Variants in ERC2 observed in about 807,000 individuals in gnomAD.
ERC2 encodes the protein ELKS/RAB6-interacting/CAST family member 2.
A neutral mutation model predicts 114.8 loss-of-function variants in ERC2; 42 were observed. That is an observed-to-expected ratio of 0.37 (90% CI 0.29 to 0.47). ERC2 has a LOEUF of 0.47. ERC2 is among the 20% of genes least tolerant of loss of function. The pLI is 0.99. For synonymous variants in ERC2, 454 were observed against 425.5 expected, an observed-to-expected ratio of 1.07 and a Z score of -0.82; for missense variants, 939 against 1,150.7, an observed-to-expected ratio of 0.82 and a Z score of 2.66.
At chr3:55,677,236 C>A (rs1418909492) in intron 17 of ERC2, among the ~76,000 whole-genome samples, 3 of 152,180 alleles carry the variant, frequency 2.0e-5, no homozygotes, top group Non-Finnish European at 4.4e-5. Context: ...AATTCATACT[C>A]TCCAACAATC....
At chr3:55,911,455 G>A (rs1421980777) in intron 13 of ERC2, among the ~76,000 whole-genome samples, 2 of 152,090 alleles carry the variant, frequency 1.3e-5, no homozygotes, top group African/African-American at 4.8e-5. Flanking sequence ...GCTGATGGCA[G>A]ACTAAGACTG....
chr3:56,420,116 C>T (rs2061329109), intron 2 of ERC2, among the ~76,000 whole-genome samples: 1 of 150,946 alleles, frequency 6.6e-6, no homozygotes, highest in South Asian at 2.1e-4. Context: ...AATTTCTTTC[C>T]ATTCCTTCTC....
chr3:56,208,804 A>G (rs2048887551), intron 3 of ERC2, among the ~76,000 whole-genome samples: 1 of 152,164 alleles, frequency 6.6e-6, no homozygotes, highest in Admixed American at 6.5e-5. Flanking sequence ...GAGGTGCTCT[A>G]TAGTCAAGGG....
At chr3:56,312,329 G>T (rs1188838433) in intron 2 of ERC2, among the ~76,000 whole-genome samples, 2 of 152,172 alleles carry the variant, frequency 1.3e-5, no homozygotes, top group African/African-American at 4.8e-5. Context: ...AGGGTGTGTG[G>T]GTGAAAAGGA....
chr3:56,377,616 C>T (rs1248432911), intron 2 of ERC2, among the ~76,000 whole-genome samples: 1 of 152,174 alleles, frequency 6.6e-6, no homozygotes, highest in Non-Finnish European at 1.5e-5. Context: ...AATCATTTCA[C>T]ACATTAGGCC....
At chr3:55,522,728 C>T (rs999253538) in intron 17 of ERC2, among the ~76,000 whole-genome samples, 1 of 152,186 alleles carries the variant, frequency 6.6e-6, no homozygotes, top group African/African-American at 2.4e-5. Context: ...AACCCTTGGT[C>T]TCCCATCTCC....
chr3:56,456,703 T>A (rs2063077253), intron 1 of ERC2, among the ~76,000 whole-genome samples: 1 of 152,216 alleles, frequency 6.6e-6, no homozygotes, highest in Non-Finnish European at 1.5e-5. Flanking sequence ...GCTAAATAGT[T>A]CTCCCTGTAT....
intron 14 of ERC2, among the ~76,000 whole-genome samples, chr3:55,864,392 A>C (rs1265847651): frequency 6.6e-6 from 1 of 151,758 alleles, no homozygotes; most frequent in Non-Finnish European, 1.5e-5. Context: ...TTTTAACCCA[A>C]AGATTTCAAG....
chr3:55,684,112 G>A (rs2148779191), intron 16 of ERC2, among the ~76,000 whole-genome samples: 1 of 152,302 alleles, frequency 6.6e-6, no homozygotes, highest in South Asian at 2.1e-4. Flanking sequence ...CTCTGAGTCT[G>A]TGTCAAAATC....
At chr3:56,416,994 C>T (rs2061189192) in intron 2 of ERC2, among the ~76,000 whole-genome samples, 1 of 152,198 alleles carries the variant, frequency 6.6e-6, no homozygotes, top group Admixed American at 6.5e-5. Context: ...GGGATCATTT[C>T]TTTGGTACAA....
intron 14 of ERC2, among the ~76,000 whole-genome samples, chr3:55,867,557 A>G (rs529315050): frequency 2.6e-5 from 4 of 152,336 alleles, no homozygotes; most frequent in African/African-American, 9.6e-5. Context: ...GAAAAAAACA[A>G]GAGAAAAAAT....
intron 11 of ERC2, among the ~76,000 whole-genome samples, chr3:55,989,526 A>G (rs2070893492): frequency 6.6e-6 from 1 of 152,240 alleles, no homozygotes; most frequent in African/African-American, 2.4e-5. Context: ...ATGCCTGCTC[A>G]GGAAGGCTGT....
chr3:55,657,252 G>C (rs139684373), intron 17 of ERC2: 2 of 151,930 alleles, frequency 1.3e-5, no homozygotes, highest in East Asian at 3.9e-4. Context: ...ATCTAGCCTG[G>C]CTGGCTGGAA....
At chr3:55,982,187 C>T (rs933722411) in intron 12 of ERC2, among the ~76,000 whole-genome samples, 5 of 152,140 alleles carry the variant, frequency 3.3e-5, no homozygotes, top group Admixed American at 2.0e-4. Context: ...ATTCAATGAA[C>T]ACCATATTCA....
intron 2 of ERC2, among the ~76,000 whole-genome samples, chr3:56,352,633 A>G (rs1471077977): frequency 6.6e-6 from 1 of 152,188 alleles, no homozygotes; most frequent in Admixed American, 6.5e-5. Flanking sequence ...ACAAATATTT[A>G]TTTCAGTTTC....
intron 17 of ERC2, among the ~76,000 whole-genome samples, chr3:55,516,930 G>A (rs1420111024): frequency 1.3e-5 from 2 of 152,116 alleles, no homozygotes; most frequent in East Asian, 3.9e-4. Context: ...ATGAGGAAAC[G>A]AAAGCTTAGA....
intron 13 of ERC2, among the ~76,000 whole-genome samples, chr3:55,930,626 C>T (rs552263534): frequency 1.3e-3 from 193 of 152,220 alleles, no homozygotes; most frequent in African/African-American, 4.3e-3. Flanking sequence ...AAGAGTTAAA[C>T]GTAAGATCTA....
chr3:55,889,801 G>A (rs1247609120), intron 13 of ERC2, among the ~76,000 whole-genome samples: 2 of 152,086 alleles, frequency 1.3e-5, no homozygotes, highest in Non-Finnish European at 1.5e-5. Flanking sequence ...TCAACAGAAC[G>A]CCCTTCAAAA....
chr3:55,940,804 A>T (rs758312903), intron 13 of ERC2, among the ~76,000 whole-genome samples: 2 of 152,214 alleles, frequency 1.3e-5, no homozygotes. Flanking sequence ...AATAAAGCTT[A>T]ATCCGTTTCC....
Sources: gnomAD v4.1 joint callset for allele counts (sites outside exome capture counted in the v4.1 genomes callset) on GRCh38, gnomAD v4.1.1 for gene constraint, MANE v1.5 for transcripts, NCBI Gene and HGNC (gene_info 2026-07-23, HGNC 2026-07-21) for gene names.